The following EYA2 variants were observed in gnomAD, a reference collection of about 807,000 sequenced individuals.
EYA2 encodes protein phosphatase EYA2.
EYA2 carries 31 observed loss-of-function variants against 69.2 expected under a neutral mutation model. The ratio of observed to expected loss-of-function variants is 0.45; its 90% confidence interval spans 0.34 to 0.60. The LOEUF is 0.60. Among genes scored for constraint, EYA2 ranks in the 20% least tolerant of loss-of-function variants. The pLI, the probability that EYA2 is intolerant of heterozygous loss-of-function variation, is 0.02. For synonymous variants in EYA2, 257 were observed against 279.4 expected, an observed-to-expected ratio of 0.92 and a Z score of 0.80; for missense variants, 622 against 701.2, an observed-to-expected ratio of 0.89 and a Z score of 1.28.
chr20:47,152,775 C>T (rs1242612157), intron 10 of EYA2, among the ~76,000 whole-genome samples: 3 of 147,666 alleles, frequency 2.0e-5, no homozygotes, highest in African/African-American at 2.5e-5. Flanking sequence ...CGCGCCACTG[C>T]ACTTCAGCCT....
chr20:47,186,399 G>C (rs2034643678), intron 15 of EYA2, among the ~76,000 whole-genome samples: 1 of 98,092 alleles, frequency 1.0e-5, no homozygotes, highest in African/African-American at 4.0e-5. Flanking sequence ...CACTCTTGTT[G>C]CCCAGGTTGG....
At chr20:47,119,347 C>T (rs1402293704) in intron 9 of EYA2, among the ~76,000 whole-genome samples, 1 of 152,156 alleles carries the variant, frequency 6.6e-6, no homozygotes, top group Non-Finnish European at 1.5e-5. Flanking sequence ...CAGGCCCCTC[C>T]GATGGCAGAT....
chr20:47,072,096 G>A, intron 5 of EYA2, 89 bp from the exon 6 acceptor site: 2 of 1,188,764 alleles, frequency 1.7e-6, no homozygotes, highest in South Asian at 2.4e-5. Flanking sequence ...GAAGCCACAT[G>A]GAGGGAGGTT....
chr20:47,099,909 C>T (rs146756605), intron 9 of EYA2, among the ~76,000 whole-genome samples: 122 of 152,146 alleles, frequency 8.0e-4, no homozygotes, highest in African/African-American at 1.5e-3. Flanking sequence ...CCCAACCACG[C>T]GCAGTACACA....
chr20:47,051,777 G>A (rs1028201147), intron 5 of EYA2, among the ~76,000 whole-genome samples: 1 of 152,208 alleles, frequency 6.6e-6, no homozygotes. Context: ...GCTTAGGACA[G>A]ACTGGCACAC....
chr20:47,098,177 G>A (rs1037410468), intron 9 of EYA2, among the ~76,000 whole-genome samples: 4 of 152,224 alleles, frequency 2.6e-5, no homozygotes, highest in African/African-American at 4.8e-5. Flanking sequence ...ATCTCTTGCC[G>A]TGTAGGAATG....
At chr20:47,082,173 A>G (rs2031745880) in intron 7 of EYA2, among the ~76,000 whole-genome samples, 1 of 152,192 alleles carries the variant, frequency 6.6e-6, no homozygotes, top group South Asian at 2.1e-4. Flanking sequence ...ATGCAAATAT[A>G]AATAATGATT....
At chr20:47,046,005 G>T (rs1354147903) in intron 5 of EYA2, among the ~76,000 whole-genome samples, 1 of 152,168 alleles carries the variant, frequency 6.6e-6, no homozygotes, top group Non-Finnish European at 1.5e-5. Flanking sequence ...ATAACAAACA[G>T]AATATCATAG....
intron 1 of EYA2, among the ~76,000 whole-genome samples, chr20:46,976,753 G>A (rs1353946597): frequency 6.6e-6 from 1 of 152,212 alleles, no homozygotes; most frequent in African/African-American, 2.4e-5. Context: ...GAAGACATGG[G>A]ACATTCCGTG....
chr20:47,120,497 T>G (rs2033017267), intron 9 of EYA2, among the ~76,000 whole-genome samples: 1 of 152,230 alleles, frequency 6.6e-6, no homozygotes, highest in Non-Finnish European at 1.5e-5. Context: ...TTGGTCTTGG[T>G]ATGTGCTGCC....
chr20:47,077,396 C>T (rs895683593), intron 7 of EYA2, among the ~76,000 whole-genome samples: 1 of 152,160 alleles, frequency 6.6e-6, no homozygotes, highest in Non-Finnish European at 1.5e-5. Context: ...GGCAGCAATA[C>T]GTTAGAATGT....
intron 7 of EYA2, among the ~76,000 whole-genome samples, chr20:47,086,726 C>G (rs2031904903): frequency 6.6e-6 from 1 of 152,012 alleles, no homozygotes; most frequent in African/African-American, 2.4e-5. Flanking sequence ...TGGGCGGGGA[C>G]ACAGATCCAA....
At chr20:47,023,979 A>G (rs1388767153) in intron 5 of EYA2, among the ~76,000 whole-genome samples, 3 of 152,178 alleles carry the variant, frequency 2.0e-5, no homozygotes, top group Admixed American at 6.5e-5. Flanking sequence ...TAACATGTCC[A>G]ATCTTTCTTC....
chr20:46,929,779 A>G (rs1257756946), intron 1 of EYA2, among the ~76,000 whole-genome samples: 1 of 151,900 alleles, frequency 6.6e-6, no homozygotes, highest in African/African-American at 2.4e-5. Context: ...GACCGAGGTG[A>G]GAGGATTGTT....
rs192360006 is a variant in EYA2, at chr20:47,008,390, G to A, written c.298+3306G>A. Among the ~76,000 whole-genome samples the A allele has an allele frequency of 3.9e-5, 6 of 152,314 alleles. No individual in the cohort carries two copies. In the East Asian group the frequency reaches 9.7e-4, roughly 25 times the overall value. On this transcript the variant is annotated intron_variant, in intron 4 of 15. Transcript: ENST00000327619. ...GAGCCCTCACCCACGGGGCTCCGAC[G>A]CCTGGCTGTGCATTCTGTAAATCCC...
intron 1 of EYA2, among the ~76,000 whole-genome samples, chr20:46,942,144 C>T (rs1221850090): frequency 6.6e-6 from 1 of 152,146 alleles, no homozygotes; most frequent in Non-Finnish European, 1.5e-5. Flanking sequence ...TACTAGCCCT[C>T]CTCACCAAGG....
At chr20:47,144,296 C>T (rs886157117) in intron 10 of EYA2, among the ~76,000 whole-genome samples, 8 of 149,532 alleles carry the variant, frequency 5.4e-5, no homozygotes, top group Non-Finnish European at 1.0e-4. Context: ...GCGGACCTTG[C>T]GGTGAGCAGA....
chr20:47,091,695 T>C (rs914614098), intron 8 of EYA2, among the ~76,000 whole-genome samples: 20 of 151,334 alleles, frequency 1.3e-4, no homozygotes, highest in Admixed American at 2.6e-4. Context: ...CGTTGAGCCA[T>C]GACCACACCA....
intron 7 of EYA2, among the ~76,000 whole-genome samples, chr20:47,088,993 C>T (rs1432772396): frequency 6.6e-6 from 1 of 152,218 alleles, no homozygotes; most frequent in Non-Finnish European, 1.5e-5. Flanking sequence ...AGAACCAGGA[C>T]ATAATCCCAC....
Sources: allele counts gnomAD v4.1 joint callset (sites outside exome capture counted in the v4.1 genomes callset), GRCh38; gene constraint gnomAD v4.1.1; transcripts MANE v1.5; gene names NCBI Gene and HGNC (gene_info 2026-07-23, HGNC 2026-07-21).